Variants in DACH1 observed in about 807,000 individuals in gnomAD.
DACH1 encodes the protein dachshund homolog 1.
Under a neutral mutation model 54.2 loss-of-function variants are expected in DACH1, and 12 were observed. The observed-to-expected ratio is 0.22, with a 90% CI of 0.14 to 0.36. The LOEUF is 0.36. Among genes scored for constraint, DACH1 ranks in the 10% least tolerant of loss-of-function variants. DACH1 has a pLI of 1.00. For synonymous variants in DACH1, 386 were observed against 366.2 expected (o/e 1.05, Z -0.62); for missense variants, 805 against 929.8 (o/e 0.87, Z 1.75).
intron 10 of DACH1, chr13:71,464,550 C>G (rs922990021): frequency 2.4e-6 from 1 of 412,920 alleles, no homozygotes; most frequent in Non-Finnish European, 4.7e-6. Context: ...GATTTTTTGG[C>G]TTCTCTCAGC....
chr13:71,623,135 A>C (rs1051675768), intron 3 of DACH1, among the ~76,000 whole-genome samples: 1 of 151,798 alleles, frequency 6.6e-6, no homozygotes, highest in African/African-American at 2.4e-5. Flanking sequence ...AATATTTCAA[A>C]GTGAAAAATG....
chr13:71,477,092 A>G (rs1877598958), intron 8 of DACH1, among the ~76,000 whole-genome samples: 1 of 47,758 alleles, frequency 2.1e-5, no homozygotes, highest in South Asian at 7.1e-4. Flanking sequence ...ATATATATAT[A>G]TATATATATA....
intron 3 of DACH1, among the ~76,000 whole-genome samples, chr13:71,597,372 T>C (rs1874170895): frequency 6.6e-6 from 1 of 152,230 alleles, no homozygotes; most frequent in Non-Finnish European, 1.5e-5. Context: ...ACATAATTTT[T>C]TTAAATTTAA....
At chr13:71,641,070 AC>A (rs760946121) in intron 2 of DACH1, among the ~76,000 whole-genome samples, 18 of 152,146 alleles carry the variant, frequency 1.2e-4, no homozygotes, top group Middle Eastern at 3.4e-3. Flanking sequence ...ACAAAAAAAA[AC>A]AAAAGAGGTG....
intron 10 of DACH1, among the ~76,000 whole-genome samples, chr13:71,469,615 C>T (rs1876894820): frequency 6.6e-6 from 1 of 152,130 alleles, no homozygotes; most frequent in Admixed American, 6.5e-5. Context: ...CTCACTAAGC[C>T]CCCTCTTTTG....
intron 10 of DACH1, among the ~76,000 whole-genome samples, chr13:71,443,837 T>A (rs1004396845): frequency 2.6e-5 from 4 of 152,174 alleles, no homozygotes; most frequent in African/African-American, 9.6e-5. Flanking sequence ...CAGGTATTAA[T>A]CAAATACTAG....
intron 3 of DACH1, among the ~76,000 whole-genome samples, chr13:71,594,334 T>A (rs1873940355): frequency 6.6e-6 from 1 of 152,074 alleles, no homozygotes; most frequent in Admixed American, 6.6e-5. Flanking sequence ...ATAATCACTC[T>A]CAAAATGCAT....
intron 3 of DACH1, among the ~76,000 whole-genome samples, chr13:71,582,538 CAGTT>C (rs1566357592): frequency 3.3e-5 from 5 of 152,078 alleles, no homozygotes; most frequent in African/African-American, 1.2e-4. Flanking sequence ...ATATGATAAT[CAGTT>C]AGGATATCCA....
intron 10 of DACH1, among the ~76,000 whole-genome samples, chr13:71,456,360 A>C (rs1329967186): frequency 6.6e-6 from 1 of 152,076 alleles, no homozygotes; most frequent in Admixed American, 6.6e-5. Context: ...ATTTCCATTA[A>C]AATTAATAGC....
At chr13:71,489,284 G>C in intron 6 of DACH1, 136 bp from the exon 7 acceptor site, 2 of 936,380 alleles carry the variant, frequency 2.1e-6, no homozygotes, top group Non-Finnish European at 3.2e-6. Context: ...AATGCTTTCT[G>C]CTGAATTTTC....
At chr13:71,532,709 A>G (rs993707822) in intron 6 of DACH1, among the ~76,000 whole-genome samples, 4 of 151,952 alleles carry the variant, frequency 2.6e-5, no homozygotes, top group Non-Finnish European at 5.9e-5. Context: ...TTAGGAAAAA[A>G]ATGCTTCTAT....
rs148127334 is a variant in DACH1 at position 71,648,371 on chromosome 13, T to C, written c.965-17654A>G. On this transcript the variant is annotated intron_variant, in intron 2 of 10. Coordinates refer to ENST00000613252, the MANE Select transcript of DACH1 (RefSeq NM_080759.6). ...TGCAGACCAGTTTAGAAAAACATGA[T>C]ACAGCAACTGCAGAGCTCAAGAGAG... is the stretch of plus-strand genomic sequence containing the variant. 1.2e-3 allele frequency among the ~76,000 whole-genome samples: 190 copies of C among 152,068 alleles called. 2 individuals are homozygous for C. The East Asian group carries it at 0.029, about 24-fold the overall frequency.
At chr13:71,545,821 A>G (rs1041113984) in intron 6 of DACH1, among the ~76,000 whole-genome samples, 1 of 152,100 alleles carries the variant, frequency 6.6e-6, no homozygotes, top group African/African-American at 2.4e-5. Context: ...TAACATATTC[A>G]CAAATGAAGA....
chr13:71,672,168 AT>A (rs1355296344), intron 2 of DACH1, among the ~76,000 whole-genome samples: 1 of 152,124 alleles, frequency 6.6e-6, no homozygotes, highest in Non-Finnish European at 1.5e-5. Flanking sequence ...ATTTCTATCT[AT>A]TAAGCTTAGG....
chr13:71,700,385 G>A (rs1482561733), intron 1 of DACH1, among the ~76,000 whole-genome samples: 1 of 151,688 alleles, frequency 6.6e-6, no homozygotes, highest in Non-Finnish European at 1.5e-5. Context: ...GTGAAACCCC[G>A]TCTCCACTAA....
chr13:71,576,140 A>C (rs1885513072), intron 3 of DACH1, among the ~76,000 whole-genome samples: 1 of 152,202 alleles, frequency 6.6e-6, no homozygotes, highest in Non-Finnish European at 1.5e-5. Flanking sequence ...ACTGCAAGAA[A>C]CAGCAGCAGA....
intron 3 of DACH1, among the ~76,000 whole-genome samples, chr13:71,622,412 T>A (rs1876315257): frequency 6.6e-6 from 1 of 151,956 alleles, no homozygotes; most frequent in South Asian, 2.1e-4. Flanking sequence ...CATTATATTT[T>A]ATAAAACAAA....
intron 2 of DACH1, among the ~76,000 whole-genome samples, chr13:71,632,741 T>A (rs1215759265): frequency 6.6e-6 from 1 of 152,062 alleles, no homozygotes; most frequent in Non-Finnish European, 1.5e-5. Context: ...ACCTTCAGAT[T>A]GGGTCTTTAC....
At chr13:71,604,011 G>A (rs984992866) in intron 3 of DACH1, among the ~76,000 whole-genome samples, 1 of 151,786 alleles carries the variant, frequency 6.6e-6, no homozygotes, top group African/African-American at 2.4e-5. Context: ...CCTAGTTTAT[G>A]CCATTATGTC....
Sources: gnomAD v4.1 joint callset for allele counts (sites outside exome capture counted in the v4.1 genomes callset) on GRCh38, gnomAD v4.1.1 for gene constraint, MANE v1.5 for transcripts, NCBI Gene and HGNC (gene_info 2026-07-23, HGNC 2026-07-21) for gene names.